WWC2: variants seen among roughly 807,000 people sequenced by gnomAD.
WWC2 encodes the protein WW and C2 domain containing 2, also known as protein WWC2.
A neutral mutation model predicts 138.5 loss-of-function variants in WWC2; 101 were observed. The ratio of observed to expected loss-of-function variants is 0.73; its 90% CI spans 0.62 to 0.86. The LOEUF (loss-of-function observed/expected upper bound fraction) is 0.86. Among genes scored for constraint, WWC2 ranks in the 40% least tolerant of loss-of-function variants. WWC2 has a pLI of 0.00. For missense variants in WWC2, 1,420 were observed against 1,419.4 expected (o/e 1.00, Z -0.01); for synonymous variants, 558 against 538.4 (o/e 1.04, Z -0.50).
In WWC2 at chr4:183,320,240, G is replaced by A. The variant is rs745751905; in HGVS notation, c.*4511G>A. 3.8e-6 allele frequency: 6 copies of A among 1,593,490 alleles called. No individual in the cohort carries two copies. Among genetic ancestry groups the A allele is most frequent in the Non-Finnish European group, 4.3e-6 (5 of 1,169,968 alleles). ...CCATTATAATGTCCTGAGAGCTTTA[G>A]CCAAACTAACTCCTGCCCTTCGGTT... On this transcript the variant is annotated 3_prime_UTR_variant, in exon 23 of 23. Transcript: ENST00000403733.
At chr4:183,192,606 T>G (rs1436568890) in intron 1 of WWC2, among the ~76,000 whole-genome samples, 1 of 152,248 alleles carries the variant, frequency 6.6e-6, no homozygotes, top group Non-Finnish European at 1.5e-5. Flanking sequence ...GATGATGTAC[T>G]TTGTTATTCT....
At chr4:183,264,270 ACT>A (rs1737423268) in intron 11 of WWC2, among the ~76,000 whole-genome samples, 1 of 152,102 alleles carries the variant, frequency 6.6e-6, no homozygotes. Flanking sequence ...CCCTGCGCTC[ACT>A]CTCACTCACT....
intron 1 of WWC2, among the ~76,000 whole-genome samples, chr4:183,109,690 G>A (rs1219139102): frequency 1.3e-5 from 2 of 152,176 alleles, no homozygotes; most frequent in African/African-American, 4.8e-5. Context: ...CCTTCTGTGC[G>A]GCCCAGTTCC....
chr4:183,174,365 T>C (rs568416801), intron 1 of WWC2, among the ~76,000 whole-genome samples: 27 of 152,352 alleles, frequency 1.8e-4, no homozygotes, highest in South Asian at 4.1e-4. Flanking sequence ...CTGAGCCGTT[T>C]CAGGCTTTTG....
chr4:183,127,951 G>C (rs553066110), intron 1 of WWC2, among the ~76,000 whole-genome samples: 1 of 150,900 alleles, frequency 6.6e-6, no homozygotes, highest in Non-Finnish European at 1.5e-5. Context: ...ATAAAGAAAT[G>C]TACATTATAA....
chr4:183,167,251 C>T (rs1346484283), intron 1 of WWC2, among the ~76,000 whole-genome samples: 1 of 152,144 alleles, frequency 6.6e-6, no homozygotes, highest in Non-Finnish European at 1.5e-5. Flanking sequence ...AATAATTCAT[C>T]CCATTAGACA....
intron 1 of WWC2, among the ~76,000 whole-genome samples, chr4:183,118,838 G>A (rs950898304): frequency 2.0e-5 from 3 of 152,084 alleles, no homozygotes; most frequent in East Asian, 1.9e-4. Flanking sequence ...TTGTCTGACC[G>A]GGTTTACTAT....
chr4:183,228,680 C>T (rs1033422629), intron 4 of WWC2, among the ~76,000 whole-genome samples: 4 of 152,040 alleles, frequency 2.6e-5, no homozygotes, highest in Admixed American at 1.3e-4. Flanking sequence ...CAATATGAAG[C>T]GTCGTTAAGG....
At chr4:183,291,705 A>T (rs1738456150) in intron 21 of WWC2, among the ~76,000 whole-genome samples, 1 of 152,190 alleles carries the variant, frequency 6.6e-6, no homozygotes, top group Non-Finnish European at 1.5e-5. Flanking sequence ...TATAGGACTT[A>T]AATTTTTTTA....
intron 16 of WWC2, among the ~76,000 whole-genome samples, chr4:183,280,148 A>T (rs1197239682): frequency 4.8e-5 from 7 of 145,774 alleles, no homozygotes; most frequent in Admixed American, 1.4e-4. Flanking sequence ...TCATGTGGGG[A>T]TGTGAATTCC....
At chr4:183,233,716 C>T (rs1334009544) in intron 4 of WWC2, 1 of 152,164 alleles carries the variant, frequency 6.6e-6, no homozygotes, top group Non-Finnish European at 1.5e-5. Flanking sequence ...CTGCTTTCCT[C>T]TGTGCTTTAT....
intron 1 of WWC2, among the ~76,000 whole-genome samples, chr4:183,120,336 G>A (rs963106921): frequency 9.2e-5 from 14 of 152,152 alleles, no homozygotes; most frequent in Non-Finnish European, 1.5e-4. Context: ...AGATGTATTA[G>A]TGCCCAAATA....
intron 5 of WWC2, 21 bp downstream of exon 5, chr4:183,240,283 T>C (rs1424130520): frequency 6.5e-7 from 1 of 1,531,232 alleles, no homozygotes; most frequent in African/African-American, 1.4e-5. Flanking sequence ...AAAGACTGAA[T>C]CAACTTTAGA....
At chr4:183,108,860 C>T (rs1390168731) in intron 1 of WWC2, among the ~76,000 whole-genome samples, 6 of 152,118 alleles carry the variant, frequency 3.9e-5, no homozygotes, top group Non-Finnish European at 5.9e-5. Context: ...CTGCCTGCCT[C>T]GGCCTCCCAA....
rs371626751 is a variant in WWC2 at position 183,179,223 on chromosome 4, G to A, written c.132-14376G>A. On this transcript the variant is annotated intron_variant, in intron 1 of 22. Transcript: ENST00000403733. Reference sequence around the variant, plus strand: ...AAGAACACATACTGCCCCGGTGGTCGTGGATACTTCTGAAGAGAGGAGTGT... The same window carrying A: ...AAGAACACATACTGCCCCGGTGGTCATGGATACTTCTGAAGAGAGGAGTGT... Among the ~76,000 whole-genome samples the A allele has an allele frequency of 6.6e-5, 10 of 152,320 alleles. No individual in the cohort carries two copies. The East Asian group carries it at 1.3e-3, about 21-fold the overall frequency.
intron 1 of WWC2, among the ~76,000 whole-genome samples, chr4:183,184,782 G>A: frequency 6.6e-6 from 1 of 152,150 alleles, no homozygotes; most frequent in South Asian, 2.1e-4. Context: ...GAAAATGAAG[G>A]ATAAAGAAAG....
chr4:183,137,942 CTG>C (rs1205070951), intron 1 of WWC2, among the ~76,000 whole-genome samples: 1 of 152,124 alleles, frequency 6.6e-6, no homozygotes, highest in Non-Finnish European at 1.5e-5. Context: ...TGATTTTTGA[CTG>C]TGAGCTAAGT....
At chr4:183,268,080 A>G (rs939674832) in intron 14 of WWC2, among the ~76,000 whole-genome samples, 2 of 152,208 alleles carry the variant, frequency 1.3e-5, no homozygotes, top group Non-Finnish European at 2.9e-5. Flanking sequence ...AATCTCCATA[A>G]TTAATATTGA....
chr4:183,314,930 C>T (rs1366433225), intron 22 of WWC2, among the ~76,000 whole-genome samples: 3 of 152,074 alleles, frequency 2.0e-5, no homozygotes, highest in Admixed American at 6.5e-5. Context: ...GCACCTCCTC[C>T]CCCATCTGGA....
Sources: allele counts gnomAD v4.1 joint callset (sites outside exome capture counted in the v4.1 genomes callset), GRCh38; gene constraint gnomAD v4.1.1; transcripts MANE v1.5; gene names NCBI Gene and HGNC (gene_info 2026-07-23, HGNC 2026-07-21).